The following SHANK2 variants were observed in gnomAD, a reference collection of about 807,000 sequenced individuals.
SHANK2 encodes the protein SH3 and multiple ankyrin repeat domains 2.
Under a neutral mutation model 133.7 loss-of-function variants are expected in SHANK2, and 43 were observed. The observed-to-expected ratio is 0.32, with a 90% confidence interval of 0.25 to 0.41. SHANK2 has a LOEUF of 0.41. SHANK2 is among the 10% of genes least tolerant of loss of function. The pLI is 1.00. For synonymous variants in SHANK2, 1,017 were observed against 952.8 expected, an observed-to-expected ratio of 1.07 and a Z score of -1.24; for missense variants, 1,994 against 2,235.8, an observed-to-expected ratio of 0.89 and a Z score of 2.18.
intron 10 of SHANK2, among the ~76,000 whole-genome samples, chr11:70,915,201 C>G (rs1373859993): frequency 6.6e-6 from 1 of 152,118 alleles, no homozygotes; most frequent in African/African-American, 2.4e-5. Flanking sequence ...CTTCTTTAAA[C>G]ACAGACGTTG....
chr11:71,131,218 C>A (rs200190937), intron 3 of SHANK2, among the ~76,000 whole-genome samples: 1 of 152,190 alleles, frequency 6.6e-6, no homozygotes, highest in Non-Finnish European at 1.5e-5. Context: ...CTTCTTACTG[C>A]GGACAGAGGC....
chr11:70,526,504 G>T (rs1410980092), intron 17 of SHANK2, among the ~76,000 whole-genome samples: 3 of 152,220 alleles, frequency 2.0e-5, no homozygotes, highest in Non-Finnish European at 4.4e-5. Flanking sequence ...TGGGAGGCGT[G>T]TACCATGCAT....
intron 2 of SHANK2, among the ~76,000 whole-genome samples, chr11:71,216,394 T>C (rs1307588810): frequency 1.3e-5 from 2 of 152,176 alleles, no homozygotes; most frequent in Admixed American, 6.5e-5. Flanking sequence ...ATTCCATTTA[T>C]ATGAACTGTC....
intron 14 of SHANK2, among the ~76,000 whole-genome samples, chr11:70,728,883 G>T (rs1438257846): frequency 6.6e-6 from 1 of 152,212 alleles, no homozygotes; most frequent in East Asian, 1.9e-4. Flanking sequence ...AGATGGTGCA[G>T]CACGGACTGA....
At chr11:71,216,287 T>G (rs1257641304) in intron 2 of SHANK2, among the ~76,000 whole-genome samples, 1 of 152,184 alleles carries the variant, frequency 6.6e-6, no homozygotes, top group Non-Finnish European at 1.5e-5. Flanking sequence ...CACTCAGCCT[T>G]TAAAAGGAAG....
At chr11:70,588,300 T>C (rs2060279625) in intron 17 of SHANK2, among the ~76,000 whole-genome samples, 1 of 152,238 alleles carries the variant, frequency 6.6e-6, no homozygotes, top group Non-Finnish European at 1.5e-5. Flanking sequence ...TCACTCATCT[T>C]TCACTTTGGA....
At chr11:70,765,347 A>G (rs372398681) in intron 14 of SHANK2, among the ~76,000 whole-genome samples, 4 of 152,358 alleles carry the variant, frequency 2.6e-5, no homozygotes, top group East Asian at 1.9e-4. Flanking sequence ...ACCTTCTTTT[A>G]CAATGACTGG....
At chr11:70,933,543 A>T (rs1950529543) in intron 10 of SHANK2, among the ~76,000 whole-genome samples, 1 of 152,244 alleles carries the variant, frequency 6.6e-6, no homozygotes, top group Non-Finnish European at 1.5e-5. Flanking sequence ...ACAGTTGAGA[A>T]AAATATGAAT....
At chr11:71,115,411 G>A (rs1555100146) in intron 4 of SHANK2, among the ~76,000 whole-genome samples, 3 of 151,796 alleles carry the variant, frequency 2.0e-5, no homozygotes, top group Admixed American at 6.6e-5. Context: ...AGAGGCTGCA[G>A]TGAGCCGAGA....
intron 17 of SHANK2, among the ~76,000 whole-genome samples, chr11:70,653,003 C>A (rs528058185): frequency 1.3e-5 from 2 of 151,982 alleles, no homozygotes; most frequent in Non-Finnish European, 2.9e-5. Flanking sequence ...GATGGAGTCT[C>A]GCTCTGTCAC....
chr11:70,685,275 T>G (rs1321381434), intron 15 of SHANK2, among the ~76,000 whole-genome samples: 1 of 152,192 alleles, frequency 6.6e-6, no homozygotes, highest in Non-Finnish European at 1.5e-5. Flanking sequence ...ACCCTCCTCC[T>G]GCCGCCCAGA....
intron 17 of SHANK2, among the ~76,000 whole-genome samples, chr11:70,614,878 C>T (rs1159303758): frequency 4.6e-5 from 7 of 152,214 alleles, no homozygotes; most frequent in Non-Finnish European, 1.0e-4. Context: ...ACTGGATGTC[C>T]CCATGGCCGT....
intron 15 of SHANK2, among the ~76,000 whole-genome samples, chr11:70,678,123 T>C (rs1258180322): frequency 1.3e-5 from 2 of 152,198 alleles, no homozygotes; most frequent in African/African-American, 4.8e-5. Context: ...CCTTCTCATT[T>C]TCCTTCTTGT....
At chr11:71,090,625 C>CTGTG (rs782587800) in intron 8 of SHANK2, among the ~76,000 whole-genome samples, 2,512 of 102,844 alleles carry the variant, frequency 0.024, 45 homozygotes, top group Non-Finnish European at 0.03. Context: ...AACACAACCT[C>CTGTG]TGTGTGTGTG....
chr11:71,242,715 C>T (rs1416637296), intron 1 of SHANK2, among the ~76,000 whole-genome samples: 1 of 152,238 alleles, frequency 6.6e-6, no homozygotes, highest in African/African-American at 2.4e-5. Context: ...ACTGTTGTAT[C>T]CCAGAGTCTA....
intron 14 of SHANK2, among the ~76,000 whole-genome samples, chr11:70,745,944 C>A (rs1026324477): frequency 1.3e-5 from 2 of 152,236 alleles, no homozygotes; most frequent in Non-Finnish European, 2.9e-5. Context: ...GATGTGAAAC[C>A]ATTTGGGCGC....
chr11:70,670,427 G>A (rs1331977317), intron 15 of SHANK2, among the ~76,000 whole-genome samples: 2 of 152,240 alleles, frequency 1.3e-5, no homozygotes, highest in Non-Finnish European at 2.9e-5. Context: ...CCAGCTCAGC[G>A]GAGATGCCAG....
At chr11:70,779,155 C>T (rs1327195930) in intron 14 of SHANK2, among the ~76,000 whole-genome samples, 1 of 151,850 alleles carries the variant, frequency 6.6e-6, no homozygotes, top group Non-Finnish European at 1.5e-5. Flanking sequence ...TGAGGGTGAA[C>T]CCAAGCATGG....
Position 70,947,914 on chromosome 11 carries a change from A to G in SHANK2, c.1108-51347T>C, listed in dbSNP as rs1555085745. 2.0e-5 allele frequency among the ~76,000 whole-genome samples: 3 copies of G among 152,106 alleles called. No homozygotes were observed. In the East Asian group the frequency reaches 5.8e-4, roughly 29 times the overall value. On this transcript the variant is annotated intron_variant, in intron 10 of 25. Transcript: ENST00000601538. ...GCACTGTACATCTCCCCCAGAGTAA[A>G]GTCCCTGCCAAGCAACGTGGCCCTC...
Sources: allele counts gnomAD v4.1 joint callset (sites outside exome capture counted in the v4.1 genomes callset), GRCh38; gene constraint gnomAD v4.1.1; transcripts MANE v1.5; gene names NCBI Gene and HGNC (gene_info 2026-07-23, HGNC 2026-07-21).